The following FBXO16 variants were observed in gnomAD, a reference collection of about 807,000 sequenced individuals.
The protein encoded by FBXO16 is F-box protein 16, also known as F-box only protein 16.
FBXO16 carries 31 observed loss-of-function variants against 41.0 expected under a neutral mutation model. The observed-to-expected ratio is 0.76, with a 90% CI of 0.57 to 1.02. FBXO16 has a LOEUF of 1.02. Ranked by LOEUF, FBXO16 falls within the 50% of genes least tolerant of loss-of-function variation. FBXO16 has a pLI of 0.00. For missense variants in FBXO16, 361 were observed against 346.2 expected, an observed-to-expected ratio of 1.04 and a Z score of -0.34; for synonymous variants, 133 against 117.8, an observed-to-expected ratio of 1.13 and a Z score of -0.84.
At chr8:28,448,718 C>A (rs185486849) in intron 6 of FBXO16, among the ~76,000 whole-genome samples, 15 of 152,294 alleles carry the variant, frequency 9.8e-5, no homozygotes, top group African/African-American at 3.4e-4. Flanking sequence ...GTTAGCATTT[C>A]TTTTCTAAAA....
chr8:28,449,964 T>C (rs1479047938), intron 6 of FBXO16, among the ~76,000 whole-genome samples: 1 of 126,610 alleles, frequency 7.9e-6, no homozygotes, highest in South Asian at 2.5e-4. Context: ...AGAGCAAGAC[T>C]GTCTCAAAAA....
chr8:28,460,266 T>TTTTTTTTTA (rs1803110220), intron 4 of FBXO16, among the ~76,000 whole-genome samples: 1 of 117,292 alleles, frequency 8.5e-6, no homozygotes, highest in African/African-American at 3.4e-5. Flanking sequence ...TTTTTTTTTT[T>TTTTTTTTTA]GAGACAAAGT....
chr8:28,439,578 A>AT (rs1802734229), intron 7 of FBXO16, among the ~76,000 whole-genome samples: 1 of 151,962 alleles, frequency 6.6e-6, no homozygotes, highest in Admixed American at 6.6e-5. Flanking sequence ...TCTCTACAAA[A>AT]AATACCCCCA....
intron 7 of FBXO16, among the ~76,000 whole-genome samples, chr8:28,433,258 T>G (rs1047297135): frequency 6.6e-6 from 1 of 152,228 alleles, no homozygotes; most frequent in Non-Finnish European, 1.5e-5. Context: ...TTATAGTGTC[T>G]TTAAAGCGAA....
intron 7 of FBXO16, among the ~76,000 whole-genome samples, chr8:28,440,191 C>T (rs1330356463): frequency 6.6e-6 from 1 of 152,102 alleles, no homozygotes; most frequent in Non-Finnish European, 1.5e-5. Flanking sequence ...CCCCCTTAAC[C>T]TCCTGGGCTC....
In FBXO16 at chr8:28,447,074, C is replaced by T. The variant is rs7013918; in HGVS notation, c.843+97G>A. 10,244 of 1,143,900 alleles carry T rather than the reference C, an allele frequency of 9.0e-3. 562 individuals are homozygous for T. The African/African-American group carries it at 0.13, about 14-fold the overall frequency. 70.9% of individuals were successfully genotyped at this position (1,143,900 alleles called of 1,614,324 possible). On this transcript the variant is annotated intron_variant, in intron 7 of 8. Transcript: ENST00000380254. ...GAATTTAAATCACCACTCCATGATT[C>T]TGATTAAATAAATGAATTCAATTTT...
chr8:28,476,130 A>G (rs1003292141), intron 2 of FBXO16, among the ~76,000 whole-genome samples: 5 of 152,220 alleles, frequency 3.3e-5, no homozygotes, highest in Admixed American at 6.5e-5. Context: ...ATGGTGTCCA[A>G]TGATGGTGTG....
chr8:28,454,599 G>A (rs986670290), intron 5 of FBXO16, among the ~76,000 whole-genome samples: 10 of 150,978 alleles, frequency 6.6e-5, no homozygotes, highest in Non-Finnish European at 1.0e-4. Context: ...ATGGTGGCAG[G>A]CGCCTGTAGT....
chr8:28,440,652 T>C (rs893550691), intron 7 of FBXO16, among the ~76,000 whole-genome samples: 1 of 152,094 alleles, frequency 6.6e-6, no homozygotes, highest in Admixed American at 6.6e-5. Flanking sequence ...AAGTTATCCC[T>C]GGAAAGAGGT....
At chr8:28,488,885 C>G (rs1289034343) in intron 1 of FBXO16, among the ~76,000 whole-genome samples, 2 of 152,184 alleles carry the variant, frequency 1.3e-5, no homozygotes, top group Non-Finnish European at 2.9e-5. Context: ...TTCATGCGCT[C>G]TCTGCCCAGA....
intron 7 of FBXO16, among the ~76,000 whole-genome samples, chr8:28,432,938 G>C (rs772870309): frequency 9.2e-5 from 14 of 151,970 alleles, no homozygotes; most frequent in Non-Finnish European, 1.8e-4. Context: ...GTGCACTCCT[G>C]TAATCCCAGC....
intron 6 of FBXO16, among the ~76,000 whole-genome samples, chr8:28,451,994 CA>C (rs753582333): frequency 0.38 from 36,504 of 95,938 alleles, 4,504 homozygotes; most frequent in East Asian, 0.56. Context: ...GACTACGTCT[CA>C]AAAAAAAAAA....
At position 28,473,631 on chromosome 8, in the gene FBXO16, C is replaced by G. The variant is rs1803371812; in HGVS notation, c.135+141G>C. ...CTCCGGAACCATGAAAAACAAATGT[C>G]TGGGTTTTTTTCTTTCTATCCAAGT... is the stretch of plus-strand genomic sequence containing the variant. On this transcript the variant is annotated intron_variant, in intron 3 of 8. Coordinates refer to ENST00000380254, the MANE Select transcript of FBXO16 (RefSeq NM_172366.4). 5.4e-6 allele frequency: 4 copies of G among 742,198 alleles called. No homozygotes were observed. The South Asian group carries it at 6.6e-5, about 12-fold the overall frequency. 46.0% of individuals were successfully genotyped at this position (742,198 alleles called of 1,614,324 possible). A position where few individuals can be genotyped will look rare whatever the true frequency, so the allele number is the denominator to read the frequency against.
intron 1 of FBXO16, among the ~76,000 whole-genome samples, chr8:28,485,103 T>C (rs769080474): frequency 6.6e-6 from 1 of 152,152 alleles, no homozygotes; most frequent in Non-Finnish European, 1.5e-5. Flanking sequence ...GTAGAAGAGA[T>C]GGCTAAGGGG....
intron 2 of FBXO16, among the ~76,000 whole-genome samples, chr8:28,480,485 T>C (rs932994585): frequency 6.6e-6 from 1 of 151,928 alleles, no homozygotes; most frequent in Non-Finnish European, 1.5e-5. Flanking sequence ...CAATTTCTTT[T>C]TTCTTTTTCT....
chr8:28,476,373 C>T (rs750307006), intron 2 of FBXO16, among the ~76,000 whole-genome samples: 1 of 152,114 alleles, frequency 6.6e-6, no homozygotes, highest in African/African-American at 2.4e-5. Flanking sequence ...GTCAGGAGAC[C>T]TCAGATCTGG....
intron 4 of FBXO16, among the ~76,000 whole-genome samples, chr8:28,463,052 T>C (rs943546276): frequency 6.6e-6 from 1 of 152,258 alleles, no homozygotes; most frequent in Non-Finnish European, 1.5e-5. Context: ...CCCATTTGAG[T>C]TCTAAATAGA....
rs144328313 is a variant in FBXO16 at position 28,436,890 on chromosome 8, C to G, written c.844-7487G>C. ...CCTGAGCCTCCCCAGTAGCTGGGAC[C>G]ACAGGTGTGCACCACCATACCTAGC... On this transcript the variant is annotated intron_variant, in intron 7 of 8. Coordinates refer to ENST00000380254, the MANE Select transcript of FBXO16 (RefSeq NM_172366.4). Among the ~76,000 whole-genome samples the G allele has an allele frequency of 5.0e-3, 766 of 152,212 alleles. 7 individuals carry two copies. Among genetic ancestry groups the G allele is most frequent in the African/African-American group, 0.016 (670 of 41,532 alleles).
chr8:28,429,290 A>G, intron 8 of FBXO16, 88 bp downstream of exon 8: 4 of 1,469,438 alleles, frequency 2.7e-6, no homozygotes, highest in Non-Finnish European at 3.8e-6. Flanking sequence ...GCCTGTTCCC[A>G]TAATTTACAC....
Sources: gnomAD v4.1 joint callset for allele counts (sites outside exome capture counted in the v4.1 genomes callset) on GRCh38, gnomAD v4.1.1 for gene constraint, MANE v1.5 for transcripts, NCBI Gene and HGNC (gene_info 2026-07-23, HGNC 2026-07-21) for gene names.